The following ITGAE variants were observed in gnomAD, a reference collection of about 807,000 sequenced individuals.
ITGAE encodes the protein integrin subunit alpha E, also known as integrin alpha-E.
In ITGAE, 99 loss-of-function variants were observed where a neutral mutation model predicts 136.5. That is an observed-to-expected ratio of 0.73 (90% CI 0.62 to 0.86). The LOEUF (loss-of-function observed/expected upper bound fraction) is 0.86. Among genes scored for constraint, ITGAE ranks in the 40% least tolerant of loss-of-function variants. The pLI, the probability that ITGAE is intolerant of heterozygous loss-of-function variation, is 0.00. For missense variants in ITGAE, 1,447 were observed against 1,515.3 expected, an observed-to-expected ratio of 0.95 and a Z score of 0.75; for synonymous variants, 613 against 591.8, an observed-to-expected ratio of 1.04 and a Z score of -0.52.
At chr17:3,745,013 C>T (rs538794018) in intron 18 of ITGAE, among the ~76,000 whole-genome samples, 6 of 152,100 alleles carry the variant, frequency 3.9e-5, no homozygotes, top group Admixed American at 6.6e-5. Context: ...AGAATTCATG[C>T]ATTTGTTTAT....
In ITGAE at chr17:3,798,267, C is replaced by G. The variant is rs1260647398; in HGVS notation, c.34+2844G>C. 6.6e-6 allele frequency among the ~76,000 whole-genome samples: 1 copy of G among 152,204 alleles called. No homozygotes were observed. Among genetic ancestry groups the G allele is most frequent in the African/African-American group, 2.4e-5 (1 of 41,444 alleles). ...GGGGCCGGGGAGGCTACTGTGTGCA[C>G]AACCTGCCTTCTCTTCACACAGGGG... On this transcript the variant is annotated intron_variant, in intron 1 of 30. Coordinates refer to ENST00000263087, the MANE Select transcript of ITGAE (RefSeq NM_002208.5). This position sits in a 1 kb window ranked among gnomAD's most constrained non-coding sequence, Gnocchi z 4.3.
chr17:3,794,053 A>G lies in ITGAE; in HGVS notation c.34+7058T>C, dbSNP rs535775980. ...GAGTGCAATGGCACGATCTCGGCTC[A>G]TTGCAACCTCCGCCTCCTGGGTTCA... On this transcript the variant is annotated intron_variant, in intron 1 of 30. Transcript: ENST00000263087. Among the ~76,000 whole-genome samples the G allele has an allele frequency of 2.3e-3, 304 of 132,996 alleles. 3 individuals are homozygous for G. The highest frequency in any genetic ancestry group is 8.2e-3 in the African/African-American group (281 of 34,140). The allele number at this position is 132,996 out of a possible 152,430, so 87.3% of individuals were successfully genotyped here. A position where few individuals can be genotyped will look rare whatever the true frequency, so the allele number is the denominator to read the frequency against.
intron 12 of ITGAE, among the ~76,000 whole-genome samples, chr17:3,754,294 CAG>C (rs2051947734): frequency 1.3e-5 from 2 of 152,088 alleles, no homozygotes; most frequent in South Asian, 2.1e-4. Flanking sequence ...ATTTTTGAGA[CAG>C]AGTCTCAGTC....
chr17:3,795,711 G>C (rs1440518427), intron 1 of ITGAE, among the ~76,000 whole-genome samples: 1 of 152,248 alleles, frequency 6.6e-6, no homozygotes, highest in African/African-American at 2.4e-5. Context: ...CTGCTTACAG[G>C]GCTGGTAACT....
intron 23 of ITGAE, 34 bp downstream of exon 23, chr17:3,731,070 A>G: frequency 2.6e-6 from 4 of 1,564,778 alleles, no homozygotes; most frequent in Non-Finnish European, 3.5e-6. Flanking sequence ...CCGGGGTCAT[A>G]GCCTGACTCT....
intron 1 of ITGAE, among the ~76,000 whole-genome samples, chr17:3,784,024 G>C (rs921093408): frequency 1.3e-5 from 2 of 152,210 alleles, no homozygotes; most frequent in Admixed American, 6.5e-5. Flanking sequence ...ACTTTGGGAG[G>C]CCGAGGCGGG....
chr17:3,799,780 G>C lies in ITGAE; in HGVS notation c.34+1331C>G, dbSNP rs2053205361. 6.6e-6 allele frequency among the ~76,000 whole-genome samples: 1 copy of C among 152,198 alleles called. No individual in the cohort carries two copies. The highest frequency in any genetic ancestry group is 2.1e-4 in the South Asian group (1 of 4,834). On this transcript the variant is annotated intron_variant, in intron 1 of 30. Transcript: ENST00000263087. This position sits in a 1 kb window ranked among gnomAD's most constrained non-coding sequence, Gnocchi z 4.1. ...AGTCTAAATTGTAAAATAAAAGGAA[G>C]TTCAACAAACTGTTGACCTTTCCAT...
rs895722237 is a variant in ITGAE, at chr17:3,723,636, C to T, written c.3141+52G>A. On this transcript the variant is annotated intron_variant, in intron 27 of 30. Coordinates refer to ENST00000263087, the MANE Select transcript of ITGAE (RefSeq NM_002208.5). ...AAAACAGTCTCCTGGCCTCTCGTTA[C>T]CCGCTTCAGGCCCTCCGCCCTCCCC... 6.0e-6 allele frequency: 9 copies of T among 1,500,014 alleles called. No homozygotes were observed. The African/African-American group carries it at 7.0e-5, about 12-fold the overall frequency. The allele number at this position is 1,500,014 out of a possible 1,614,324, so 92.9% of individuals were successfully genotyped here.
rs569213618 is a variant in ITGAE at position 3,799,523 on chromosome 17, G to A, written c.34+1588C>T. 2.0e-5 allele frequency among the ~76,000 whole-genome samples: 3 copies of A among 152,280 alleles called. No homozygotes were observed. The South Asian group carries it at 6.2e-4, about 32-fold the overall frequency. On this transcript the variant is annotated intron_variant, in intron 1 of 30. Coordinates refer to ENST00000263087, the MANE Select transcript of ITGAE (RefSeq NM_002208.5). This position sits in a 1 kb window ranked among gnomAD's most constrained non-coding sequence, Gnocchi z 4.1. ...AGCCACAGGAGTATTCTGGAGCTGG[G>A]AGGCAGGACAGAGGCCTGGGCTTGA...
chr17:3,757,689 C>T lies in ITGAE; in HGVS notation c.1020+17G>A, dbSNP rs199827326. ...CTGTGCAGGTTCAGGAGGTGTCTCC[C>T]GGCTCCTGGCTCTTACCCCAATGGC... On this transcript the variant is annotated intron_variant, in intron 9 of 30. Transcript: ENST00000263087. The T allele has an allele frequency of 1.4e-4, 227 of 1,612,420 alleles. No homozygotes were observed. The highest frequency in any genetic ancestry group is 1.8e-4 in the Non-Finnish European group (212 of 1,178,760).
chr17:3,766,487 C>T (rs558829977), intron 2 of ITGAE, among the ~76,000 whole-genome samples: 82 of 152,264 alleles, frequency 5.4e-4, no homozygotes, highest in African/African-American at 1.9e-3. Context: ...TTTCAGACTT[C>T]TGACCTCCAA....
intron 2 of ITGAE, among the ~76,000 whole-genome samples, chr17:3,775,496 G>A (rs897812415): frequency 2.0e-5 from 3 of 151,988 alleles, no homozygotes; most frequent in South Asian, 2.1e-4. Context: ...GTCTCGCTCC[G>A]TCACCCAGGC....
At chr17:3,714,989 T>A (rs2050915695) in intron 30 of ITGAE, 47 bp from the exon 31 acceptor site, 1 of 1,174,546 alleles carries the variant, frequency 8.5e-7, no homozygotes, top group African/African-American at 1.5e-5. Flanking sequence ...AAGATAGCCA[T>A]CTGTTTCAGA....
chr17:3,714,801 C>G lies in ITGAE; in HGVS notation c.*46G>C. ...AGTAATGCAAAGGATGCTGGGTCTC[C>G]AAGTCCCAGGACTGGCTGATAGCCT... On this transcript the variant is annotated 3_prime_UTR_variant, in exon 31 of 31. Coordinates refer to ENST00000263087, the MANE Select transcript of ITGAE (RefSeq NM_002208.5). 5.4e-6 allele frequency: 6 copies of G among 1,105,490 alleles called. No homozygotes were observed. Among genetic ancestry groups the G allele is most frequent in the Non-Finnish European group, 8.2e-6 (6 of 729,012 alleles). 68.5% of individuals were successfully genotyped at this position (1,105,490 alleles called of 1,614,324 possible).
In ITGAE at chr17:3,714,711, T is replaced by C. The variant is rs1332510617; in HGVS notation, c.*136A>G. On this transcript the variant is annotated 3_prime_UTR_variant, in exon 31 of 31. Transcript: ENST00000263087. ...CAATGCACAGACACTTTTGGGACAATGTATGGTTAAAAACTAATATTCTAC... is the reference window on the plus strand; with the variant it reads ...CAATGCACAGACACTTTTGGGACAACGTATGGTTAAAAACTAATATTCTAC... 2.0e-5 allele frequency: 11 copies of C among 563,274 alleles called. No homozygotes were observed. In the Admixed American group the frequency reaches 3.1e-4, roughly 16 times the overall value. 34.9% of individuals were successfully genotyped at this position (563,274 alleles called of 1,614,324 possible).
chr17:3,791,781 C>T (rs112976091), intron 1 of ITGAE, among the ~76,000 whole-genome samples: 1,834 of 152,260 alleles, frequency 0.012, 34 homozygotes, highest in African/African-American at 0.041. Flanking sequence ...CCAGACGATG[C>T]TCTCACTGCT....
intron 16 of ITGAE, among the ~76,000 whole-genome samples, chr17:3,749,656 C>T (rs935411100): frequency 6.6e-6 from 1 of 152,072 alleles, no homozygotes; most frequent in Non-Finnish European, 1.5e-5. Context: ...ACGGGACAGA[C>T]GGGCGCTCCA....
chr17:3,781,219 G>A (rs565642503), intron 1 of ITGAE, among the ~76,000 whole-genome samples: 3 of 152,104 alleles, frequency 2.0e-5, no homozygotes, highest in Non-Finnish European at 4.4e-5. Flanking sequence ...CCACAACTAC[G>A]TTTTTTGATG....
chr17:3,776,056 T>TTTA (rs1459152394), intron 2 of ITGAE, among the ~76,000 whole-genome samples: 6 of 136,936 alleles, frequency 4.4e-5, no homozygotes, highest in African/African-American at 1.7e-4. Context: ...GCTAAGCCCT[T>TTTA]TTTTTTTTTT....
Sources: allele counts gnomAD v4.1 joint callset (sites outside exome capture counted in the v4.1 genomes callset), GRCh38; gene constraint gnomAD v4.1.1; non-coding constraint Gnocchi (gnomAD v3.1); transcripts MANE v1.5; gene names NCBI Gene and HGNC (gene_info 2026-07-23, HGNC 2026-07-21).